MELK: variants seen among roughly 807,000 people sequenced by gnomAD.
The protein encoded by MELK is maternal embryonic leucine zipper kinase.
MELK carries 81 observed loss-of-function variants against 85.0 expected under a neutral mutation model. The observed-to-expected ratio is 0.95, with a 90% CI of 0.80 to 1.15. The LOEUF (loss-of-function observed/expected upper bound fraction) is 1.15, where lower values mean the gene tolerates loss of function less well. MELK is among the 50% of genes most tolerant of loss of function. The pLI is 0.00. For synonymous variants in MELK, 252 were observed against 265.0 expected (o/e 0.95, Z 0.48); for missense variants, 754 against 777.5 (o/e 0.97, Z 0.36).
chr9:36,601,221 T>C (rs1430463227), intron 7 of MELK, among the ~76,000 whole-genome samples: 1 of 152,188 alleles, frequency 6.6e-6, no homozygotes, highest in East Asian at 1.9e-4. Flanking sequence ...TAATGTCCTT[T>C]ATAGTTTTAT....
At chr9:36,670,638 C>T (rs1832799071) in intron 15 of MELK, among the ~76,000 whole-genome samples, 1 of 151,060 alleles carries the variant, frequency 6.6e-6, no homozygotes, top group South Asian at 2.1e-4. Flanking sequence ...TTATCTATAT[C>T]CAAATAGAAA....
In MELK at chr9:36,662,797, C is replaced by T. The variant is rs371573084; in HGVS notation, c.1177-2553C>T. ...AGTGCCTTTTTAGTCTGTCTTTTCT[C>T]TCTGGCTCCTTTTAGGACCTTCTCT... is the stretch of plus-strand genomic sequence containing the variant. On this transcript the variant is annotated intron_variant, in intron 13 of 17. Transcript: ENST00000298048. Among the ~76,000 whole-genome samples the T allele has an allele frequency of 6.6e-5, 10 of 152,298 alleles. No individual in the cohort carries two copies. The South Asian group carries it at 1.2e-3, about 19-fold the overall frequency.
rs568494101 is a variant in MELK, at chr9:36,589,937, T to C, written c.261+285T>C. Among the ~76,000 whole-genome samples the C allele has an allele frequency of 7.3e-5, 11 of 150,996 alleles. No individual in the cohort carries two copies. In the South Asian group the frequency reaches 2.3e-3, roughly 32 times the overall value. On this transcript the variant is annotated intron_variant, in intron 4 of 17. Coordinates refer to ENST00000298048, the MANE Select transcript of MELK (RefSeq NM_014791.4). ...TCATTCTAGTTTTTTTTTTTTTTTTTTTGAGACGGAATTTCGCTCTGTCGC... is the reference window on the plus strand; with the variant it reads ...TCATTCTAGTTTTTTTTTTTTTTTTCTTGAGACGGAATTTCGCTCTGTCGC...
At chr9:36,620,548 CTTTTTT>C (rs747925440) in intron 8 of MELK, among the ~76,000 whole-genome samples, 1 of 128,514 alleles carries the variant, frequency 7.8e-6, no homozygotes, top group Admixed American at 7.8e-5. Context: ...CATTCTCTTC[CTTTTTT>C]TTTTTTTTTT....
At chr9:36,639,164 T>C (rs932253176) in intron 10 of MELK, among the ~76,000 whole-genome samples, 2 of 152,216 alleles carry the variant, frequency 1.3e-5, no homozygotes, top group Non-Finnish European at 2.9e-5. Flanking sequence ...CTAATATGGG[T>C]ATTCTAATGT....
At position 36,589,711 on chromosome 9, in the gene MELK, G is replaced by T. The variant is rs958333427; in HGVS notation, c.261+59G>T. ...TGATCACTTTATCAATAGTAAAAGA[G>T]AAAAGTACATTTCACCTGAAAGATT... On this transcript the variant is annotated intron_variant, in intron 4 of 17. Coordinates refer to ENST00000298048, the MANE Select transcript of MELK (RefSeq NM_014791.4). The T allele has an allele frequency of 9.8e-6, 12 of 1,230,534 alleles. No individual in the cohort carries two copies. In the African/African-American group the frequency reaches 1.1e-4, roughly 11 times the overall value. The allele number at this position is 1,230,534 out of a possible 1,614,324, so 76.2% of individuals were successfully genotyped here.
intron 13 of MELK, among the ~76,000 whole-genome samples, chr9:36,663,418 G>C (rs1397408521): frequency 6.6e-6 from 1 of 152,140 alleles, no homozygotes; most frequent in African/African-American, 2.4e-5. Flanking sequence ...AATTTATAGA[G>C]TACAAGTACA....
At chr9:36,613,442 C>T (rs896436834) in intron 8 of MELK, among the ~76,000 whole-genome samples, 2 of 152,104 alleles carry the variant, frequency 1.3e-5, no homozygotes, top group African/African-American at 4.8e-5. Flanking sequence ...TCCCTGTCCT[C>T]GTGGAGTTTA....
In MELK at chr9:36,665,601, A is replaced by C. The variant is rs773178417; in HGVS notation, c.1408+20A>C. ...CAAAAGGTATTTGCTAAGTGAATTAAGCAGTAAGAAGTTTCATTTTTCTTA... is the reference window on the plus strand; with the variant it reads ...CAAAAGGTATTTGCTAAGTGAATTACGCAGTAAGAAGTTTCATTTTTCTTA... On this transcript the variant is annotated intron_variant, in intron 14 of 17. Transcript: ENST00000298048. 2.6e-6 allele frequency: 4 copies of C among 1,555,008 alleles called. No homozygotes were observed. The South Asian group carries it at 4.6e-5, about 18-fold the overall frequency.
chr9:36,675,064 T>A, intron 17 of MELK, 127 bp downstream of exon 17: 1 of 567,820 alleles, frequency 1.8e-6, no homozygotes, highest in South Asian at 2.1e-5. Context: ...GGTGGGCAGA[T>A]CACTTGAGGC....
intron 3 of MELK, among the ~76,000 whole-genome samples, chr9:36,586,475 C>T (rs982222243): frequency 1.3e-5 from 2 of 152,152 alleles, no homozygotes; most frequent in Non-Finnish European, 2.9e-5. Context: ...TTTTAATTAT[C>T]TGTCAGTGGA....
chr9:36,670,982 T>C lies in MELK; in HGVS notation c.1506-16T>C. On this transcript the variant is annotated splice_polypyrimidine_tract_variant and intron_variant, in intron 15 of 17. Coordinates refer to ENST00000298048, the MANE Select transcript of MELK (RefSeq NM_014791.4). The stretch of plus-strand genomic sequence containing the variant: ...GGCCCAGCTCTACTTGTGCCTTGTT[T>C]TATGTTTTGTTTCAGGTGCCGCTCA... The C allele has an allele frequency of 6.3e-7, 1 of 1,595,484 alleles. No homozygotes were observed. The highest frequency in any genetic ancestry group is 8.5e-7 in the Non-Finnish European group (1 of 1,172,816).
At chr9:36,661,141 T>C (rs1182185408) in intron 13 of MELK, among the ~76,000 whole-genome samples, 2 of 152,162 alleles carry the variant, frequency 1.3e-5, no homozygotes, top group Non-Finnish European at 2.9e-5. Flanking sequence ...GGCTCCTAGG[T>C]TGCTGGTCTT....
chr9:36,616,621 C>G (rs962701624), intron 8 of MELK, among the ~76,000 whole-genome samples: 10 of 151,750 alleles, frequency 6.6e-5, no homozygotes, highest in African/African-American at 2.4e-4. Flanking sequence ...AACTCCTGAC[C>G]TTAGGTGATC....
chr9:36,668,854 G>T (rs1832630556), intron 14 of MELK, among the ~76,000 whole-genome samples: 1 of 152,160 alleles, frequency 6.6e-6, no homozygotes, highest in African/African-American at 2.4e-5. Flanking sequence ...AGCTTTCACA[G>T]GGGTCTGTTC....
intron 1 of MELK, among the ~76,000 whole-genome samples, chr9:36,577,228 G>A (rs549536793): frequency 6.6e-6 from 1 of 152,208 alleles, no homozygotes; most frequent in African/African-American, 2.4e-5. Context: ...AAACAGGCTT[G>A]CTTGGCCAGG....
chr9:36,677,487 C>A lies in MELK; in HGVS notation c.*150C>A. ...AGACCAATATCTCTTTGTTTTTAAA[C>A]AAAAGATATTATTTTGTGTATGAAT... is the stretch of plus-strand genomic sequence containing the variant. On this transcript the variant is annotated 3_prime_UTR_variant, in exon 18 of 18. Coordinates refer to ENST00000298048, the MANE Select transcript of MELK (RefSeq NM_014791.4). 1.6e-6 allele frequency: 1 copy of A among 614,568 alleles called. No individual in the cohort carries two copies. Among genetic ancestry groups the A allele is most frequent in the Non-Finnish European group, 2.6e-6 (1 of 391,762 alleles). The allele number at this position is 614,568 out of a possible 1,614,324, so 38.1% of individuals were successfully genotyped here. A position where few individuals can be genotyped will look rare whatever the true frequency, so the allele number is the denominator to read the frequency against.
chr9:36,622,419 C>T (rs1167858613), intron 8 of MELK, among the ~76,000 whole-genome samples: 3 of 152,190 alleles, frequency 2.0e-5, no homozygotes, highest in Non-Finnish European at 2.9e-5. Context: ...CAATATTTGA[C>T]GCACCGTATG....
chr9:36,613,073 G>A (rs974861936), intron 8 of MELK, among the ~76,000 whole-genome samples: 1 of 152,054 alleles, frequency 6.6e-6, no homozygotes, highest in African/African-American at 2.4e-5. Flanking sequence ...CTGCCCTCAT[G>A]GTCTACTCCC....
Sources: allele counts gnomAD v4.1 joint callset (sites outside exome capture counted in the v4.1 genomes callset), GRCh38; gene constraint gnomAD v4.1.1; transcripts MANE v1.5; gene names NCBI Gene and HGNC (gene_info 2026-07-23, HGNC 2026-07-21).